Variants in PCMTD1 observed in about 807,000 individuals in gnomAD.
PCMTD1 encodes protein-L-isoaspartate O-methyltransferase domain-containing protein 1.
PCMTD1 carries 12 observed loss-of-function variants against 37.6 expected under a neutral mutation model. That is an observed-to-expected ratio of 0.32 (90% CI 0.20 to 0.52). The LOEUF is 0.52. PCMTD1 is among the 20% of genes least tolerant of loss of function. The pLI, the probability that PCMTD1 is intolerant of heterozygous loss-of-function variation, is 0.97. For missense variants in PCMTD1, 235 were observed against 421.3 expected (o/e 0.56, Z 3.87); for synonymous variants, 117 against 135.8 (o/e 0.86, Z 0.96).
At chr8:51,844,613 G>A (rs749302024) in intron 3 of PCMTD1, among the ~76,000 whole-genome samples, 5 of 152,128 alleles carry the variant, frequency 3.3e-5, no homozygotes, top group Non-Finnish European at 5.9e-5. Context: ...AAAAGTACAA[G>A]AGGAAGGGGA....
chr8:51,875,049 A>C (rs1400236987), intron 1 of PCMTD1, among the ~76,000 whole-genome samples: 10 of 152,224 alleles, frequency 6.6e-5, no homozygotes, highest in African/African-American at 2.2e-4. Context: ...CAAATATTAG[A>C]ACACAGGAAT....
At chr8:51,866,545 A>G (rs562147555) in intron 1 of PCMTD1, among the ~76,000 whole-genome samples, 4 of 152,008 alleles carry the variant, frequency 2.6e-5, no homozygotes, top group Admixed American at 6.6e-5. Context: ...AGTCTCTTCA[A>G]TAAGTGCTGC....
chr8:51,821,861 A>G (rs572268230), intron 5 of PCMTD1, among the ~76,000 whole-genome samples: 14 of 151,688 alleles, frequency 9.2e-5, no homozygotes, highest in African/African-American at 3.4e-4. Context: ...TCAGCCTCCC[A>G]AGTAGCTGGG....
At chr8:51,879,039 T>C (rs2038755119) in intron 1 of PCMTD1, among the ~76,000 whole-genome samples, 1 of 152,018 alleles carries the variant, frequency 6.6e-6, no homozygotes, top group South Asian at 2.1e-4. Flanking sequence ...GGTGGGAAGA[T>C]TGCTTGAGCC....
chr8:51,870,858 G>C (rs564067084), intron 1 of PCMTD1, among the ~76,000 whole-genome samples: 1 of 152,260 alleles, frequency 6.6e-6, no homozygotes, highest in African/African-American at 2.4e-5. Context: ...CAGCTTCAAA[G>C]GAAGAATGAA....
At chr8:51,821,836 A>G (rs2037853153) in intron 5 of PCMTD1, among the ~76,000 whole-genome samples, 1 of 151,364 alleles carries the variant, frequency 6.6e-6, no homozygotes, top group South Asian at 2.1e-4. Context: ...CCCGGGTTCA[A>G]GCGATTCTCC....
Position 51,818,176 on chromosome 8 carries a change from T to C in PCMTD1, c.*2175A>G, listed in dbSNP as rs2129270671. 1 of 316,918 alleles carries C rather than the reference T, an allele frequency of 3.2e-6. No individual in the cohort carries two copies. Among genetic ancestry groups the C allele is most frequent in the South Asian group, 2.7e-5 (1 of 37,346 alleles). 19.6% of individuals were successfully genotyped at this position (316,918 alleles called of 1,614,324 possible). On this transcript the variant is annotated 3_prime_UTR_variant, in exon 6 of 6. Coordinates refer to ENST00000522514, the MANE Select transcript of PCMTD1 (RefSeq NM_052937.4). ...AGGCTTTAGCTTTAATTTTCATTTT[T>C]CATTTCTACCTCTTAAAGTCAATGA...
intron 1 of PCMTD1, chr8:51,870,308 CTCT>C (rs1182528729): frequency 6.6e-6 from 1 of 152,218 alleles, no homozygotes; most frequent in South Asian, 2.1e-4. Context: ...GTCCTCAAAG[CTCT>C]TGTCATGGGA....
chr8:51,838,246 G>A (rs13266326), intron 3 of PCMTD1, among the ~76,000 whole-genome samples: 104,514 of 151,998 alleles, frequency 0.69, 42,373 homozygotes, highest in Non-Finnish European at 0.9. Flanking sequence ...CAGCATTTTC[G>A]GAGGCCAAGG....
chr8:51,861,084 T>TA lies in PCMTD1; in HGVS notation c.67dup (p.Tyr23LeufsTer5). The TA allele has an allele frequency of 6.2e-7, 1 of 1,614,180 alleles. No homozygotes were observed. Among genetic ancestry groups the TA allele is most frequent in the Non-Finnish European group, 8.5e-7 (1 of 1,180,024 alleles). ...TTGCTCCACTCTTTCAGTACGAATA[T>TA]ACTGAGCTTCTTTTAAATTATCAAT... On this transcript the variant is annotated frameshift_variant, in exon 2 of 6. Transcript: ENST00000522514. LOFTEE classifies it high-confidence loss of function.
At chr8:51,869,636 G>A (rs1207080982) in intron 1 of PCMTD1, among the ~76,000 whole-genome samples, 1 of 152,040 alleles carries the variant, frequency 6.6e-6, no homozygotes, top group Non-Finnish European at 1.5e-5. Context: ...AATTTTAGGA[G>A]TGTTCAAGTC....
chr8:51,848,220 T>C (rs538792883), intron 2 of PCMTD1, among the ~76,000 whole-genome samples: 1 of 151,918 alleles, frequency 6.6e-6, no homozygotes, highest in South Asian at 2.1e-4. Context: ...ACTCTTATGT[T>C]TCCTATAAGA....
chr8:51,824,770 C>T (rs1263811453), intron 5 of PCMTD1, among the ~76,000 whole-genome samples: 3 of 152,198 alleles, frequency 2.0e-5, no homozygotes, highest in Non-Finnish European at 4.4e-5. Context: ...AAGCTGGAGG[C>T]ATCACACTAC....
chr8:51,869,462 C>T (rs2038608079), intron 1 of PCMTD1, among the ~76,000 whole-genome samples: 1 of 152,004 alleles, frequency 6.6e-6, no homozygotes, highest in African/African-American at 2.4e-5. Flanking sequence ...TCCCTCAGAG[C>T]TCTAATTTCC....
chr8:51,861,552 A>G (rs755739460), intron 1 of PCMTD1, among the ~76,000 whole-genome samples: 1 of 152,144 alleles, frequency 6.6e-6, no homozygotes, highest in South Asian at 2.1e-4. Context: ...CTAGATCTAA[A>G]TTAATAAAAA....
chr8:51,876,687 C>G (rs2038717357), intron 1 of PCMTD1, among the ~76,000 whole-genome samples: 1 of 152,242 alleles, frequency 6.6e-6, no homozygotes, highest in Admixed American at 6.5e-5. Flanking sequence ...AAGAAGCCAG[C>G]TTGAAGAGTC....
Position 51,817,840 on chromosome 8 carries a change from T to C in PCMTD1, c.*2511A>G, listed in dbSNP as rs1198500452. The stretch of plus-strand genomic sequence containing the variant: ...TGCTGATGGATTCTTGGGATTGATC[T>C]GATGCTAGAAGCTATCTTAGGCCCT... On this transcript the variant is annotated 3_prime_UTR_variant, in exon 6 of 6. Transcript: ENST00000522514. The C allele has an allele frequency of 6.6e-6, 3 of 456,650 alleles. No individual in the cohort carries two copies. Among genetic ancestry groups the C allele is most frequent in the Non-Finnish European group, 1.3e-5 (3 of 226,990 alleles). The allele number at this position is 456,650 out of a possible 1,614,324, so 28.3% of individuals were successfully genotyped here. A position where few individuals can be genotyped will look rare whatever the true frequency, so the allele number is the denominator to read the frequency against.
At chr8:51,831,838 T>C (rs188757500) in intron 4 of PCMTD1, among the ~76,000 whole-genome samples, 7 of 152,346 alleles carry the variant, frequency 4.6e-5, no homozygotes, top group Admixed American at 1.3e-4. Context: ...GGTCTGACAG[T>C]GTCTAGGAGA....
rs1563367741 is a variant in PCMTD1 at position 51,895,934 on chromosome 8, A to ATTTTTTTTTTTT, written c.-96+2995_-96+2996insAAAAAAAAAAAA. 3.4e-5 allele frequency: 4 copies of ATTTTTTTTTTTT among 116,670 alleles called. 2 individuals carry two copies. Among genetic ancestry groups the ATTTTTTTTTTTT allele is most frequent in the Non-Finnish European group, 6.8e-5 (4 of 58,622 alleles). 7.2% of individuals were successfully genotyped at this position (116,670 alleles called of 1,614,324 possible). A position where few individuals can be genotyped will look rare whatever the true frequency, so the allele number is the denominator to read the frequency against. On this transcript the variant is annotated intron_variant, in intron 1 of 5. Coordinates refer to ENST00000522514, the MANE Select transcript of PCMTD1 (RefSeq NM_052937.4). The stretch of plus-strand genomic sequence containing the variant: ...CTTTATTAATGTTAGTATTTGTCCC[A>ATTTTTTTTTTTT]TTTCTTTTTTTTTTTTTTTTTTTTT...
Sources: gnomAD v4.1 joint callset for allele counts (sites outside exome capture counted in the v4.1 genomes callset) on GRCh38, gnomAD v4.1.1 for gene constraint, MANE v1.5 for transcripts, NCBI Gene and HGNC (gene_info 2026-07-23, HGNC 2026-07-21) for gene names.